Variants in MSI2 observed in about 807,000 individuals in gnomAD.
MSI2 encodes musashi RNA binding protein 2, also known as RNA-binding protein Musashi homolog 2.
MSI2 carries 17 observed loss-of-function variants against 45.6 expected under a neutral mutation model. That is an observed-to-expected ratio of 0.37 (90% CI 0.26 to 0.56). MSI2 has a LOEUF of 0.56. Ranked by LOEUF, MSI2 falls within the 20% of genes least tolerant of loss-of-function variation. MSI2 has a pLI of 0.77. For missense variants in MSI2, 293 were observed against 444.2 expected (o/e 0.66, Z 3.06); for synonymous variants, 156 against 158.2 (o/e 0.99, Z 0.11).
At chr17:57,468,016 A>G (rs2085360163) in intron 6 of MSI2, among the ~76,000 whole-genome samples, 1 of 151,502 alleles carries the variant, frequency 6.6e-6, no homozygotes, top group African/African-American at 2.4e-5. Flanking sequence ...TGTCAACTAA[A>G]GTCGTTGCCT....
chr17:57,669,822 C>T (rs899747158), intron 11 of MSI2, among the ~76,000 whole-genome samples: 1 of 152,196 alleles, frequency 6.6e-6, no homozygotes, highest in Admixed American at 6.5e-5. Flanking sequence ...ATTGCATTTG[C>T]CTCCCCGAGC....
intron 5 of MSI2, among the ~76,000 whole-genome samples, chr17:57,372,254 A>G (rs1464091531): frequency 2.0e-5 from 3 of 152,174 alleles, no homozygotes; most frequent in Non-Finnish European, 4.4e-5. Context: ...TTACCTACTT[A>G]TCTTCAACAC....
At chr17:57,362,201 A>G (rs1916860517) in intron 5 of MSI2, among the ~76,000 whole-genome samples, 1 of 152,238 alleles carries the variant, frequency 6.6e-6, no homozygotes, top group Admixed American at 6.5e-5. Context: ...CCAGGGAATG[A>G]ATGTGGAACC....
intron 5 of MSI2, among the ~76,000 whole-genome samples, chr17:57,277,056 T>TC (rs1380956438): frequency 3.8e-5 from 5 of 130,320 alleles, no homozygotes; most frequent in African/African-American, 8.9e-5. Context: ...TTCTTTTCTT[T>TC]TTTTTTTTTT....
chr17:57,332,381 A>G (rs1474262992), intron 5 of MSI2, among the ~76,000 whole-genome samples: 1 of 152,202 alleles, frequency 6.6e-6, no homozygotes, highest in Non-Finnish European at 1.5e-5. Context: ...GGTTACAGGC[A>G]TGAGCCATTG....
downstream of MSI2, among the ~76,000 whole-genome samples, chr17:57,684,970 G>A (rs983868796): frequency 8.5e-5 from 13 of 152,132 alleles, no homozygotes; most frequent in African/African-American, 3.1e-4. Context: ...GAGTGGACAG[G>A]GAATAAACCC....
intron 5 of MSI2, among the ~76,000 whole-genome samples, chr17:57,375,318 C>A (rs1026982104): frequency 6.6e-6 from 1 of 152,200 alleles, no homozygotes; most frequent in African/African-American, 2.4e-5. Context: ...AGCCGCACTT[C>A]CCCCGTGGCT....
chr17:57,501,184 C>A (rs1483195594), intron 6 of MSI2, among the ~76,000 whole-genome samples: 1 of 152,204 alleles, frequency 6.6e-6, no homozygotes, highest in Non-Finnish European at 1.5e-5. Context: ...GAAGCCAAGT[C>A]TCTGTGGCCC....
chr17:57,587,060 C>T (rs995310367), intron 7 of MSI2, among the ~76,000 whole-genome samples: 1 of 152,074 alleles, frequency 6.6e-6, no homozygotes, highest in African/African-American at 2.4e-5. Context: ...CCACTGAGAC[C>T]ATGTTAGGAG....
Position 57,390,998 on chromosome 17 carries a change from G to A in MSI2, c.313-10381G>A, listed in dbSNP as rs34348356. 3.0e-3 allele frequency among the ~76,000 whole-genome samples: 454 copies of A among 152,286 alleles called. 1 individual carries two copies. The highest frequency in any genetic ancestry group is 4.2e-3 in the Admixed American group (64 of 15,296). ...TTTACTTCTGTTTACAGGGAACTTT[G>A]ACATGCTCAACTTTTGTGTAGAAAC... On this transcript the variant is annotated intron_variant, in intron 5 of 13. Transcript: ENST00000284073.
intron 5 of MSI2, among the ~76,000 whole-genome samples, chr17:57,337,885 C>G (rs1025480302): frequency 6.6e-6 from 1 of 151,780 alleles, no homozygotes; most frequent in African/African-American, 2.4e-5. Context: ...GGAAAAGAAC[C>G]CAGAATTAGA....
intron 7 of MSI2, among the ~76,000 whole-genome samples, chr17:57,593,805 G>A (rs1204134124): frequency 6.6e-6 from 1 of 152,094 alleles, no homozygotes; most frequent in Non-Finnish European, 1.5e-5. Flanking sequence ...GGGGCAGAGG[G>A]GTGACCTTCA....
In MSI2 at chr17:57,280,628, G is replaced by A. The variant is rs1032025389; in HGVS notation, c.312+18436G>A. ...GGGGACAGGCAGGGCAGGTGTGCCTGGCTCAGGGGGTTGAGTGTAACCCCT... is the reference window on the plus strand; with the variant it reads ...GGGGACAGGCAGGGCAGGTGTGCCTAGCTCAGGGGGTTGAGTGTAACCCCT... On this transcript the variant is annotated intron_variant, in intron 5 of 13. Transcript: ENST00000284073. This position sits in a 1 kb window ranked among gnomAD's most constrained non-coding sequence, Gnocchi z 4.2. Among the ~76,000 whole-genome samples the A allele has an allele frequency of 2.6e-5, 4 of 152,164 alleles. No homozygotes were observed. Among genetic ancestry groups the A allele is most frequent in the Non-Finnish European group, 5.9e-5 (4 of 68,028 alleles).
intron 6 of MSI2, among the ~76,000 whole-genome samples, chr17:57,404,450 C>T (rs1353047734): frequency 6.6e-6 from 1 of 152,136 alleles, no homozygotes; most frequent in Non-Finnish European, 1.5e-5. Context: ...TTGGTATCCT[C>T]CAGTCTATTT....
chr17:57,268,167 C>T (rs566091491), intron 5 of MSI2: 3 of 152,338 alleles, frequency 2.0e-5, no homozygotes, highest in African/African-American at 7.2e-5. Flanking sequence ...TTCACTCATT[C>T]ATTTATTCAC....
chr17:57,418,473 A>G (rs537197618), intron 6 of MSI2, among the ~76,000 whole-genome samples: 2 of 152,340 alleles, frequency 1.3e-5, no homozygotes, highest in Admixed American at 1.3e-4. Flanking sequence ...GGGAGAGTTA[A>G]GAGCAGGCAT....
intron 11 of MSI2, among the ~76,000 whole-genome samples, chr17:57,672,723 G>A (rs528107103): frequency 6.6e-6 from 1 of 152,338 alleles, no homozygotes; most frequent in East Asian, 1.9e-4. Context: ...TGTATAGGGA[G>A]GGGTTTCAGC....
At chr17:57,527,464 C>T (rs945472292) in intron 6 of MSI2, among the ~76,000 whole-genome samples, 2 of 144,288 alleles carry the variant, frequency 1.4e-5, no homozygotes, top group Non-Finnish European at 3.2e-5. Context: ...AGGTTACCGT[C>T]GGCGGGGGCT....
At chr17:57,366,987 A>C (rs545978359) in intron 5 of MSI2, among the ~76,000 whole-genome samples, 39 of 152,314 alleles carry the variant, frequency 2.6e-4, no homozygotes, top group African/African-American at 9.4e-4. Flanking sequence ...AGTCAATCAG[A>C]CTTGGCAGCC....
Sources: allele counts gnomAD v4.1 joint callset (sites outside exome capture counted in the v4.1 genomes callset), GRCh38; gene constraint gnomAD v4.1.1; non-coding constraint Gnocchi (gnomAD v3.1); transcripts MANE v1.5; gene names NCBI Gene and HGNC (gene_info 2026-07-23, HGNC 2026-07-21).